Variants in TMEM178B observed in about 807,000 individuals in gnomAD.
TMEM178B encodes transmembrane protein 178B.
A neutral mutation model predicts 31.0 loss-of-function variants in TMEM178B; 5 were observed. The ratio of observed to expected loss-of-function variants is 0.16; its 90% CI spans 0.08 to 0.34. The LOEUF is 0.34. Ranked by LOEUF, TMEM178B falls within the 10% of genes least tolerant of loss-of-function variation. The probability of loss-of-function intolerance (pLI) is 1.00; values close to 1 mark genes in which losing one functional copy is unlikely to be tolerated. For synonymous variants in TMEM178B, 164 were observed against 164.0 expected, an observed-to-expected ratio of 1.00 and a Z score of 0.00; for missense variants, 275 against 400.3, an observed-to-expected ratio of 0.69 and a Z score of 2.67.
rs56316531 is a variant in TMEM178B, at chr7:141,324,416, GTTTTTTTTTTTTTTTTTT to G, written c.496+111732_496+111749del. ...TGTGAGAGCAAGAGAGGAGACCAGG[GTTTTTTTTTTTTTTTTTT>G]TTTTTTTTTTTTTTTTTTTCCTGAG... On this transcript the variant is annotated intron_variant, in intron 2 of 3. Coordinates refer to ENST00000565468, the MANE Select transcript of TMEM178B (RefSeq NM_001195278.2). Among the ~76,000 whole-genome samples, 91 of 85,776 alleles carry G rather than the reference GTTTTTTTTTTTTTTTTTT, an allele frequency of 1.1e-3. 1 individual carries two copies. Among genetic ancestry groups the G allele is most frequent in the African/African-American group, 2.4e-3 (60 of 24,836 alleles). 56.3% of individuals were successfully genotyped at this position (85,776 alleles called of 152,430 possible). A position where few individuals can be genotyped will look rare whatever the true frequency, so the allele number is the denominator to read the frequency against.
At chr7:141,511,007 A>G in the TMEM178B span, among the ~76,000 whole-genome samples, 1 of 152,258 alleles carries the variant, frequency 6.6e-6, no homozygotes, top group Non-Finnish European at 1.5e-5. Context: ...TGGTTTTTCT[A>G]GGGAGCTTGG....
intron 3 of TMEM178B, among the ~76,000 whole-genome samples, chr7:141,460,825 C>G (rs1802046997): frequency 6.6e-6 from 1 of 152,140 alleles, no homozygotes; most frequent in African/African-American, 2.4e-5. Context: ...GATTTTTGCC[C>G]CAACTCAGAG....
intron 1 of TMEM178B, among the ~76,000 whole-genome samples, chr7:141,097,967 T>A (rs960167394): frequency 2.0e-5 from 3 of 151,886 alleles, no homozygotes; most frequent in Non-Finnish European, 2.9e-5. Context: ...AATTTTTGTA[T>A]TTTTTGTAGA....
At chr7:141,087,824 C>G (rs116048158) in intron 1 of TMEM178B, among the ~76,000 whole-genome samples, 97 of 152,250 alleles carry the variant, frequency 6.4e-4, no homozygotes, top group African/African-American at 2.3e-3. Flanking sequence ...TTTATACAAA[C>G]TATAGCTGGA....
At chr7:141,312,814 G>T (rs574961264) in intron 2 of TMEM178B, among the ~76,000 whole-genome samples, 3 of 152,196 alleles carry the variant, frequency 2.0e-5, no homozygotes, top group Admixed American at 1.3e-4. Flanking sequence ...CTTTCAAAGA[G>T]TAAATTCTCA....
At chr7:141,090,315 C>G (rs916055849) in intron 1 of TMEM178B, among the ~76,000 whole-genome samples, 14 of 152,180 alleles carry the variant, frequency 9.2e-5, no homozygotes, top group African/African-American at 3.4e-4. Flanking sequence ...ATCCCAAACC[C>G]CAGAGTGTTG....
At chr7:141,395,673 A>G (rs1029814183) in intron 2 of TMEM178B, among the ~76,000 whole-genome samples, 2 of 151,804 alleles carry the variant, frequency 1.3e-5, no homozygotes, top group Non-Finnish European at 2.9e-5. Flanking sequence ...CTCTGTCCTC[A>G]CTCCACCACA....
intron 2 of TMEM178B, among the ~76,000 whole-genome samples, chr7:141,361,233 A>G (rs766206637): frequency 6.6e-6 from 1 of 152,188 alleles, no homozygotes; most frequent in Non-Finnish European, 1.5e-5. Context: ...GAGTTGTATC[A>G]GAAGCAAGTA....
chr7:141,369,355 G>A (rs866645953), intron 2 of TMEM178B, among the ~76,000 whole-genome samples: 36 of 134,216 alleles, frequency 2.7e-4, no homozygotes, highest in Non-Finnish European at 3.2e-5. Context: ...GTGTGTGTGT[G>A]TGTATGTGTG....
At chr7:141,142,873 C>T (rs1795797175) in intron 1 of TMEM178B, among the ~76,000 whole-genome samples, 1 of 152,218 alleles carries the variant, frequency 6.6e-6, no homozygotes, top group African/African-American at 2.4e-5. Flanking sequence ...TCTGCAGCCT[C>T]TCCAGCATCT....
chr7:141,304,983 C>T (rs1478330472), intron 2 of TMEM178B, among the ~76,000 whole-genome samples: 2 of 152,332 alleles, frequency 1.3e-5, no homozygotes, highest in African/African-American at 2.4e-5. Flanking sequence ...ACTTTTTCAA[C>T]AGACAAGCAG....
At chr7:141,244,323 A>G (rs574145388) in intron 2 of TMEM178B, among the ~76,000 whole-genome samples, 1 of 152,364 alleles carries the variant, frequency 6.6e-6, no homozygotes, top group South Asian at 2.1e-4. Context: ...ATACTATGGC[A>G]AATAAATGCA....
At chr7:141,205,037 G>T (rs1156430028) in intron 1 of TMEM178B, among the ~76,000 whole-genome samples, 1 of 151,928 alleles carries the variant, frequency 6.6e-6, no homozygotes, top group Non-Finnish European at 1.5e-5. Flanking sequence ...TATTGCCCAG[G>T]TTCGTCTTGA....
chr7:141,340,136 A>C (rs1418919109), intron 2 of TMEM178B, among the ~76,000 whole-genome samples: 1 of 152,214 alleles, frequency 6.6e-6, no homozygotes, highest in Non-Finnish European at 1.5e-5. Flanking sequence ...TTGGCTTTGA[A>C]TATGGAGGAA....
chr7:141,304,932 C>A (rs981404976), intron 2 of TMEM178B, among the ~76,000 whole-genome samples: 1 of 152,168 alleles, frequency 6.6e-6, no homozygotes, highest in Admixed American at 6.5e-5. Context: ...GGGGCAAATG[C>A]TTTTCACACC....
At chr7:141,215,810 CTTTCTTTCTTTCTTTCTTTCTTTCTTTCT>C (rs1797127644) in intron 2 of TMEM178B, among the ~76,000 whole-genome samples, 1 of 94,632 alleles carries the variant, frequency 1.1e-5, no homozygotes, top group Non-Finnish European at 2.2e-5. Context: ...TTCTTTCTTT[CTTTCTTTCTTTCTTTCTTTCTTTCTTTCT>C]TTTCTTTTCT....
intron 2 of TMEM178B, among the ~76,000 whole-genome samples, chr7:141,324,407 G>A (rs1799150834): frequency 7.1e-6 from 1 of 141,342 alleles, no homozygotes; most frequent in Non-Finnish European, 1.5e-5. Context: ...AGCAAGAGAG[G>A]AGACCAGGGT....
At chr7:141,241,208 T>C (rs1458576252) in intron 2 of TMEM178B, among the ~76,000 whole-genome samples, 2 of 151,870 alleles carry the variant, frequency 1.3e-5, no homozygotes, top group Non-Finnish European at 2.9e-5. Context: ...GTCCATTATA[T>C]CACTCTGTAT....
chr7:141,353,855 A>G (rs1799775719), intron 2 of TMEM178B, among the ~76,000 whole-genome samples: 1 of 152,264 alleles, frequency 6.6e-6, no homozygotes, highest in South Asian at 2.1e-4. Context: ...CATTTTAGTT[A>G]TACTAATGGA....
Sources: gnomAD v4.1 joint callset for allele counts (sites outside exome capture counted in the v4.1 genomes callset) on GRCh38, gnomAD v4.1.1 for gene constraint, MANE v1.5 for transcripts, NCBI Gene and HGNC (gene_info 2026-07-23, HGNC 2026-07-21) for gene names.